Variants in FBRSL1 observed in about 807,000 individuals in gnomAD.
FBRSL1 encodes fibrosin like 1, also known as fibrosin-1-like protein.
Under a neutral mutation model 89.6 loss-of-function variants are expected in FBRSL1, and 51 were observed. The ratio of observed to expected loss-of-function variants is 0.57; its 90% CI spans 0.45 to 0.72. The LOEUF (loss-of-function observed/expected upper bound fraction) is 0.72. FBRSL1 is among the 30% of genes least tolerant of loss of function. FBRSL1 has a pLI of 0.00. For missense variants in FBRSL1, 1,618 were observed against 1,451.8 expected, an observed-to-expected ratio of 1.11 and a Z score of -1.86; for synonymous variants, 779 against 681.1, an observed-to-expected ratio of 1.14 and a Z score of -2.24.
chr12:132,562,858 A>C (rs2039252351), intron 5 of FBRSL1, among the ~76,000 whole-genome samples: 1 of 152,108 alleles, frequency 6.6e-6, no homozygotes, highest in African/African-American at 2.4e-5. Flanking sequence ...TCCAGCAAGA[A>C]GGTGGAATCC....
rs896435963 is a variant in FBRSL1, at chr12:132,520,912, G to T, written c.490-4822G>T. ...ACGGCTTTGTGGGCTCCCAAAACAG[G>T]CAGGAAACCAGGACCAGCTGGGAGC... On this transcript the variant is annotated intron_variant, in intron 2 of 18. Coordinates refer to ENST00000680143, the MANE Select transcript of FBRSL1 (RefSeq NM_001367871.1). Among the ~76,000 whole-genome samples the T allele has an allele frequency of 4.6e-5, 7 of 152,368 alleles. No individual in the cohort carries two copies. The East Asian group carries it at 7.7e-4, about 17-fold the overall frequency.
intron 4 of FBRSL1, among the ~76,000 whole-genome samples, chr12:132,532,885 T>G (rs1403826920): frequency 1.3e-5 from 2 of 152,082 alleles, no homozygotes; most frequent in African/African-American, 2.4e-5. Context: ...CCCAGCCAGG[T>G]GGGACACTGC....
At chr12:132,539,527 G>A (rs1199347484) in intron 4 of FBRSL1, among the ~76,000 whole-genome samples, 10 of 27,256 alleles carry the variant, frequency 3.7e-4, no homozygotes, top group Admixed American at 5.4e-4. Flanking sequence ...CTCCAGCCCC[G>A]TGCCCACCCA....
chr12:132,521,603 GC>G (rs1380203062), intron 2 of FBRSL1, among the ~76,000 whole-genome samples: 1 of 152,208 alleles, frequency 6.6e-6, no homozygotes, highest in African/African-American at 2.4e-5. Context: ...CTCAGTTCAT[GC>G]CCCTGTAGGA....
At position 132,583,190 on chromosome 12, in the gene FBRSL1, G is replaced by A. The variant is rs2040907834; in HGVS notation, c.2421G>A (p.Ala807=). 2.8e-6 allele frequency: 4 copies of A among 1,449,614 alleles called. No homozygotes were observed. Among genetic ancestry groups the A allele is most frequent in the Non-Finnish European group, 3.6e-6 (4 of 1,104,500 alleles). The allele number at this position is 1,449,614 out of a possible 1,614,324, so 89.8% of individuals were successfully genotyped here. A position where few individuals can be genotyped will look rare whatever the true frequency, so the allele number is the denominator to read the frequency against. Residue 807 remains alanine, a synonymous_variant, in exon 19 of 19, where the codon GCG becomes GCA. Coordinates refer to ENST00000680143, the MANE Select transcript of FBRSL1 (RefSeq NM_001367871.1). The stretch of plus-strand genomic sequence containing the variant: ...GCGCATCCCCGCCCCACAGCAAGGC[G>A]GCCCCTGGAGACGTGAAGGTCAAGG... ...PARASPPHSK[A]APGDVKVKEE... is the part of the protein sequence containing the mutation.
chr12:132,525,257 G>T (rs1240758141), intron 2 of FBRSL1, among the ~76,000 whole-genome samples: 2 of 152,246 alleles, frequency 1.3e-5, no homozygotes, highest in African/African-American at 4.8e-5. Flanking sequence ...GGGGACAGTG[G>T]GTGGCACTGA....
intron 2 of FBRSL1, among the ~76,000 whole-genome samples, chr12:132,525,057 C>T (rs1284172016): frequency 8.0e-6 from 1 of 124,420 alleles, no homozygotes; most frequent in Admixed American, 8.5e-5. Flanking sequence ...GGGGTGGTGG[C>T]GGTGGGCGTG....
chr12:132,571,855 G>A, intron 9 of FBRSL1: 1 of 330,252 alleles, frequency 3.0e-6, no homozygotes. Flanking sequence ...ATGACTCAGG[G>A]TGCCTCCCGT....
In FBRSL1 at chr12:132,490,232, T is replaced by A. The variant is rs910371699; in HGVS notation, c.-339T>A. 49 of 138,456 alleles carry A rather than the reference T, an allele frequency of 3.5e-4. No homozygotes were observed. Among genetic ancestry groups the A allele is most frequent in the African/African-American group, 1.2e-3 (46 of 37,558 alleles). The allele number at this position is 138,456 out of a possible 1,614,324, so 8.6% of individuals were successfully genotyped here. A position where few individuals can be genotyped will look rare whatever the true frequency, so the allele number is the denominator to read the frequency against. On this transcript the variant is annotated 5_prime_UTR_variant, in exon 1 of 19. Transcript: ENST00000680143. ...GCCCGGCCGCCTCCCGCCTGCCGCC[T>A]GCCGCGCCCGCCCGGCCCCGCCCGC... is the stretch of plus-strand genomic sequence containing the variant.
chr12:132,567,685 C>G (rs1333560784), intron 6 of FBRSL1, among the ~76,000 whole-genome samples, 159 bp downstream of exon 6: 5 of 152,140 alleles, frequency 3.3e-5, no homozygotes, highest in Non-Finnish European at 7.4e-5. Flanking sequence ...TGCTGGGAAG[C>G]CCCCAGGAGC....
chr12:132,548,085 C>T, intron 5 of FBRSL1, 53 bp downstream of exon 5: 1 of 1,544,780 alleles, frequency 6.5e-7, no homozygotes, highest in Non-Finnish European at 8.8e-7. Context: ...CCCTTCCCTG[C>T]TGACCTTGGC....
At position 132,514,298 on chromosome 12, in the gene FBRSL1, C is replaced by T. The variant is rs567972293; in HGVS notation, c.489+5948C>T. The stretch of plus-strand genomic sequence containing the variant: ...CAGGTGCCCAAGGGAGACCCAGGGC[C>T]GCCCAGAAGTCCAGGGGGAGTCCTG... On this transcript the variant is annotated intron_variant, in intron 2 of 18. Coordinates refer to ENST00000680143, the MANE Select transcript of FBRSL1 (RefSeq NM_001367871.1). Among the ~76,000 whole-genome samples, 82 of 152,300 alleles carry T rather than the reference C, an allele frequency of 5.4e-4. 1 individual carries two copies. Among genetic ancestry groups the T allele is most frequent in the Admixed American group, 3.5e-3 (54 of 15,304 alleles).
chr12:132,578,799 G>A (rs539009637), intron 15 of FBRSL1, among the ~76,000 whole-genome samples: 1 of 152,286 alleles, frequency 6.6e-6, no homozygotes, highest in Non-Finnish European at 1.5e-5. Context: ...GCATGTGGAC[G>A]TGTGAAGGCA....
chr12:132,525,455 G>A lies in FBRSL1; in HGVS notation c.490-279G>A, dbSNP rs568693923. ...CACTGAGCCGGTGGGTCCTGGGTAGGTCCTCCCCGTCCTGGTAGAGTGTGT... is the reference window on the plus strand; with the variant it reads ...CACTGAGCCGGTGGGTCCTGGGTAGATCCTCCCCGTCCTGGTAGAGTGTGT... On this transcript the variant is annotated intron_variant, in intron 2 of 18. Transcript: ENST00000680143. Among the ~76,000 whole-genome samples, 74 of 152,290 alleles carry A rather than the reference G, an allele frequency of 4.9e-4. 1 individual carries two copies. Among genetic ancestry groups the A allele is most frequent in the East Asian group, 3.9e-4 (2 of 5,174 alleles).
At chr12:132,545,887 C>T (rs2037647116) in intron 4 of FBRSL1, among the ~76,000 whole-genome samples, 1 of 152,236 alleles carries the variant, frequency 6.6e-6, no homozygotes, top group Admixed American at 6.5e-5. Context: ...CACTGGGGGT[C>T]CCCAGAAATC....
chr12:132,492,738 G>C (rs1387071096), intron 1 of FBRSL1, among the ~76,000 whole-genome samples: 17 of 152,240 alleles, frequency 1.1e-4, no homozygotes, highest in Admixed American at 1.1e-3. Flanking sequence ...AGTGAGACAA[G>C]TCTGCTGCTG....
rs931987763 is a variant in FBRSL1 at position 132,557,159 on chromosome 12, T to C, written c.645+9127T>C. ...CATGCCTTCCCATGATGGCACCCCCTGGCCACCCGCTGCGTAACGATGGCA... is the reference window on the plus strand; with the variant it reads ...CATGCCTTCCCATGATGGCACCCCCCGGCCACCCGCTGCGTAACGATGGCA... On this transcript the variant is annotated intron_variant, in intron 5 of 18. Transcript: ENST00000680143. Among the ~76,000 whole-genome samples, 39 of 152,192 alleles carry C rather than the reference T, an allele frequency of 2.6e-4. 1 individual carries two copies. Among genetic ancestry groups the C allele is most frequent in the Admixed American group, 2.3e-3 (35 of 15,266 alleles).
At position 132,490,542 on chromosome 12, in the gene FBRSL1, C is replaced by A; in HGVS notation, c.-29C>A. The A allele has an allele frequency of 1.0e-6, 1 of 980,510 alleles. No homozygotes were observed. Among genetic ancestry groups the A allele is most frequent in the South Asian group, 4.6e-5 (1 of 21,792 alleles). The allele number at this position is 980,510 out of a possible 1,614,324, so 60.7% of individuals were successfully genotyped here. A position where few individuals can be genotyped will look rare whatever the true frequency, so the allele number is the denominator to read the frequency against. ...CGAGCCAGGCGCGGGGCGTCAAGGT[C>A]ACCGGCCCGACGGGGCGCACGCGCG... On this transcript the variant is annotated 5_prime_UTR_variant, in exon 1 of 19. Transcript: ENST00000680143.
intron 1 of FBRSL1, among the ~76,000 whole-genome samples, chr12:132,496,466 C>T (rs187276506): frequency 2.0e-5 from 3 of 152,304 alleles, no homozygotes; most frequent in Non-Finnish European, 4.4e-5. Context: ...AGCCTCGTTT[C>T]ACTGTGTTTT....
Sources: allele counts gnomAD v4.1 joint callset (sites outside exome capture counted in the v4.1 genomes callset), GRCh38; gene constraint gnomAD v4.1.1; transcripts MANE v1.5; gene names NCBI Gene and HGNC (gene_info 2026-07-23, HGNC 2026-07-21).